Variants in PPP2R2C observed in about 807,000 individuals in gnomAD.
PPP2R2C encodes the protein protein phosphatase 2 regulatory subunit Bgamma.
Under a neutral mutation model 45.3 loss-of-function variants are expected in PPP2R2C, and 10 were observed. The ratio of observed to expected loss-of-function variants is 0.22; its 90% CI spans 0.14 to 0.37. The LOEUF (loss-of-function observed/expected upper bound fraction) is 0.37, where lower values mean the gene tolerates loss of function less well. Among genes scored for constraint, PPP2R2C ranks in the 10% least tolerant of loss-of-function variants. The pLI is 1.00. For missense variants in PPP2R2C, 308 were observed against 619.7 expected, an observed-to-expected ratio of 0.50 and a Z score of 5.34; for synonymous variants, 257 against 245.4, an observed-to-expected ratio of 1.05 and a Z score of -0.44.
At chr4:6,520,326 A>C (rs1194660921) in intron 2 of PPP2R2C, among the ~76,000 whole-genome samples, 1 of 152,150 alleles carries the variant, frequency 6.6e-6, no homozygotes, top group Non-Finnish European at 1.5e-5. Flanking sequence ...ACATTACCGC[A>C]GGGGGTAGCA....
chr4:6,380,784 G>A (rs76147260), intron 2 of PPP2R2C, among the ~76,000 whole-genome samples: 3,401 of 151,900 alleles, frequency 0.022, 107 homozygotes, highest in East Asian at 0.14. Flanking sequence ...TCCCACCCCT[G>A]GAATCCATGC....
upstream of PPP2R2C, among the ~76,000 whole-genome samples, chr4:6,477,374 G>A (rs1360154826): frequency 1.3e-5 from 2 of 152,260 alleles, no homozygotes; most frequent in African/African-American, 2.4e-5. Context: ...TCTTAAATGA[G>A]GTATTGTCAT....
At chr4:6,409,653 C>A (rs936883985) in intron 1 of PPP2R2C, among the ~76,000 whole-genome samples, 1 of 152,182 alleles carries the variant, frequency 6.6e-6, no homozygotes. Context: ...ACAGCTGAGA[C>A]TCCCTGTGAC....
intron 4 of PPP2R2C, among the ~76,000 whole-genome samples, chr4:6,372,965 A>G (rs1190185381): frequency 1.3e-5 from 2 of 152,188 alleles, no homozygotes; most frequent in Non-Finnish European, 2.9e-5. Flanking sequence ...CAACTCTAAA[A>G]TGAAACAAAA....
At chr4:6,539,819 G>A (rs756781481) in intron 1 of PPP2R2C, among the ~76,000 whole-genome samples, 2 of 152,098 alleles carry the variant, frequency 1.3e-5, no homozygotes, top group Admixed American at 6.5e-5. Flanking sequence ...CTCCCCATAC[G>A]ACAAGTGAGG....
At chr4:6,437,646 C>T (rs377546021) in intron 1 of PPP2R2C, among the ~76,000 whole-genome samples, 1 of 152,164 alleles carries the variant, frequency 6.6e-6, no homozygotes, top group African/African-American at 2.4e-5. Flanking sequence ...TAAAGACTCA[C>T]GAATATGCTC....
At chr4:6,438,575 G>T (rs928971639) in intron 1 of PPP2R2C, among the ~76,000 whole-genome samples, 2 of 152,154 alleles carry the variant, frequency 1.3e-5, no homozygotes, top group Non-Finnish European at 2.9e-5. Flanking sequence ...TTCTTTAACA[G>T]GAATTAATAT....
At position 6,554,518 on chromosome 4, in the gene PPP2R2C, G is replaced by A. The variant is rs187747366; in HGVS notation, c.-59+9042C>T. 1.3e-4 allele frequency among the ~76,000 whole-genome samples: 20 copies of A among 152,202 alleles called. No homozygotes were observed. In the East Asian group the frequency reaches 2.3e-3, roughly 18 times the overall value. ...GTTAAGGCAGCCTCAGTCTGTAGAC[G>A]GCTACAACAAGATACCTTAGACTGA... On this transcript the variant is annotated intron_variant, in intron 1 of 9. Coordinates refer to the PPP2R2C transcript ENST00000506140.
Position 6,442,455 on chromosome 4 carries a change from G to A in PPP2R2C, c.70+29705C>T, listed in dbSNP as rs9991896. On this transcript the variant is annotated intron_variant, in intron 1 of 8. Transcript: ENST00000382599. ...CTTCAGTCCGTGGGGCCACCAAGCC[G>A]TGACTGTGGTGGTCGGTGGACTGAT... Among the ~76,000 whole-genome samples the A allele has an allele frequency of 2.0e-5, 3 of 152,068 alleles. No homozygotes were observed. In the East Asian group the frequency reaches 5.8e-4, roughly 29 times the overall value.
intron 1 of PPP2R2C, among the ~76,000 whole-genome samples, chr4:6,426,594 C>T (rs1719346803): frequency 6.6e-6 from 1 of 151,936 alleles, no homozygotes; most frequent in Non-Finnish European, 1.5e-5. Context: ...GCATCACCTC[C>T]TGAAGCTACA....
At chr4:6,326,047 C>T (rs1179447456) in intron 8 of PPP2R2C, among the ~76,000 whole-genome samples, 1 of 152,226 alleles carries the variant, frequency 6.6e-6, no homozygotes, top group African/African-American at 2.4e-5. Flanking sequence ...GCTCTCCTCG[C>T]CCCTTGGCCT....
At chr4:6,487,876 A>G (rs924262283) in intron 2 of PPP2R2C, among the ~76,000 whole-genome samples, 3 of 152,108 alleles carry the variant, frequency 2.0e-5, no homozygotes, top group African/African-American at 7.2e-5. Flanking sequence ...TCTCAACTCA[A>G]TGAGAAAGTC....
At chr4:6,480,558 C>T (rs986753527) in intron 2 of PPP2R2C, among the ~76,000 whole-genome samples, 2 of 152,108 alleles carry the variant, frequency 1.3e-5, no homozygotes, top group African/African-American at 2.4e-5. Flanking sequence ...ACCTGCTGTC[C>T]ACCCACCCAC....
intron 1 of PPP2R2C, among the ~76,000 whole-genome samples, chr4:6,424,059 G>A (rs1719137777): frequency 6.6e-6 from 1 of 152,260 alleles, no homozygotes; most frequent in South Asian, 2.1e-4. Flanking sequence ...GGCCACGGCA[G>A]AAGCTGCTAA....
chr4:6,551,957 C>T (rs1251122862), intron 1 of PPP2R2C, among the ~76,000 whole-genome samples: 1 of 152,212 alleles, frequency 6.6e-6, no homozygotes, highest in Non-Finnish European at 1.5e-5. Context: ...TAGGAAGCCA[C>T]AGATAACTGG....
intron 1 of PPP2R2C, among the ~76,000 whole-genome samples, chr4:6,444,426 A>G (rs1054280597): frequency 6.6e-6 from 1 of 152,134 alleles, no homozygotes; most frequent in African/African-American, 2.4e-5. Context: ...CATTTAACAG[A>G]TAAGAAGACT....
At chr4:6,357,602 C>T (rs1179913633) in intron 5 of PPP2R2C, among the ~76,000 whole-genome samples, 1 of 152,212 alleles carries the variant, frequency 6.6e-6, no homozygotes, top group Non-Finnish European at 1.5e-5. Context: ...TTGGGTCACA[C>T]AGCCTCCCTT....
intron 2 of PPP2R2C, among the ~76,000 whole-genome samples, chr4:6,493,232 C>T (rs1360819194): frequency 6.6e-6 from 1 of 152,024 alleles, no homozygotes; most frequent in African/African-American, 2.4e-5. Flanking sequence ...CAAGCACACA[C>T]GCACGCGCGC....
chr4:6,364,280 CAGG>C lies in PPP2R2C; in HGVS notation c.625+8240_625+8242del, dbSNP rs1481811925. ...CAGCCAGTGCAAAATGGCTCTGCTG[CAGG>C]AGATGGCTGGAAATATGGTGAAGAG... On this transcript the variant is annotated intron_variant, in intron 5 of 8. Transcript: ENST00000382599. This position sits in a 1 kb window ranked among gnomAD's most constrained non-coding sequence, Gnocchi z 5.3. Among the ~76,000 whole-genome samples the C allele has an allele frequency of 1.3e-5, 2 of 152,124 alleles. No individual in the cohort carries two copies. The highest frequency in any genetic ancestry group is 4.8e-5 in the African/African-American group (2 of 41,416).
Sources: allele counts gnomAD v4.1 joint callset (sites outside exome capture counted in the v4.1 genomes callset), GRCh38; gene constraint gnomAD v4.1.1; non-coding constraint Gnocchi (gnomAD v3.1); transcripts MANE v1.5; gene names NCBI Gene and HGNC (gene_info 2026-07-23, HGNC 2026-07-21).